CALD1: variants seen among roughly 807,000 people sequenced by gnomAD.
The protein encoded by CALD1 is caldesmon 1.
CALD1 carries 33 observed loss-of-function variants against 99.9 expected under a neutral mutation model. The ratio of observed to expected loss-of-function variants is 0.33; its 90% CI spans 0.25 to 0.44. CALD1 has a LOEUF of 0.44. Ranked by LOEUF, CALD1 falls within the 20% of genes least tolerant of loss-of-function variation. The probability of loss-of-function intolerance (pLI) is 1.00; values close to 1 mark genes in which losing one functional copy is unlikely to be tolerated. For synonymous variants in CALD1, 310 were observed against 325.0 expected (o/e 0.95, Z 0.50); for missense variants, 861 against 962.1 (o/e 0.89, Z 1.39).
intron 3 of CALD1, among the ~76,000 whole-genome samples, chr7:134,869,078 C>A (rs1800942374): frequency 6.6e-6 from 1 of 151,896 alleles, no homozygotes; most frequent in Admixed American, 6.6e-5. Context: ...GCAGCATAGC[C>A]AGAGCTAAAC....
At chr7:134,767,539 T>C (rs1007349091) in intron 1 of CALD1, among the ~76,000 whole-genome samples, 2 of 152,218 alleles carry the variant, frequency 1.3e-5, no homozygotes, top group African/African-American at 4.8e-5. Context: ...AATTATAAGA[T>C]TGGCTTTTTT....
At chr7:134,918,222 A>G (rs893385671) in intron 3 of CALD1, among the ~76,000 whole-genome samples, 6 of 152,250 alleles carry the variant, frequency 3.9e-5, no homozygotes, top group Non-Finnish European at 8.8e-5. Context: ...TCCAGTTTCT[A>G]TTCATTTTAT....
intron 8 of CALD1, 109 bp from the exon 9 acceptor site, chr7:134,950,265 T>G (rs748937855): frequency 9.6e-7 from 1 of 1,045,580 alleles, no homozygotes; most frequent in Non-Finnish European, 1.4e-6. Flanking sequence ...GTGTCCAGCC[T>G]GCGGCCTGAG....
At position 134,788,082 on chromosome 7, in the gene CALD1, C is replaced by G. The variant is rs568923919; in HGVS notation, c.-130+8333C>G. Among the ~76,000 whole-genome samples the G allele has an allele frequency of 8.5e-5, 13 of 152,206 alleles. No individual in the cohort carries two copies. In the South Asian group the frequency reaches 2.3e-3, roughly 27 times the overall value. ...TCCCAAAAGCTCATTGTTAAACTTTCGAGAATTTTGAGAGCCAGTTGTAAA... is the reference window on the plus strand; with the variant it reads ...TCCCAAAAGCTCATTGTTAAACTTTGGAGAATTTTGAGAGCCAGTTGTAAA... On this transcript the variant is annotated intron_variant, in intron 1 of 14. Coordinates refer to ENST00000361675, the MANE Select transcript of CALD1 (RefSeq NM_033138.4).
At position 134,934,018 on chromosome 7, in the gene CALD1, T is replaced by C. The variant is rs201912094; in HGVS notation, c.1249T>C (p.Trp417Arg). 11 of 1,610,302 alleles carry C rather than the reference T, an allele frequency of 6.8e-6. No individual in the cohort carries two copies. Among genetic ancestry groups the C allele is most frequent in the Admixed American group, 1.7e-5 (1 of 59,738 alleles). The part of the protein sequence containing the change: ...EKVEQKIEGK[W>R]VNEKKAQEDK... ...GGTAGAACAGAAAATAGAAGGGAAA[T>C]GGGTAAATGAAAAGAAAGCACAAGA... Residue 417 changes from tryptophan to arginine, a missense_variant, in exon 5 of 15, where the codon TGG becomes CGG. Physicochemically the swap from Trp to Arg is moderately radical, Grantham distance 101. This residue lies in a region of CALD1 where 293 missense variants were observed against 262.7 expected (regional missense o/e 1.12). Coordinates refer to ENST00000361675, the MANE Select transcript of CALD1 (RefSeq NM_033138.4).
chr7:134,937,415 A>T (rs932204942), intron 6 of CALD1, among the ~76,000 whole-genome samples: 8 of 152,162 alleles, frequency 5.3e-5, no homozygotes, highest in African/African-American at 1.7e-4. Context: ...TGTTTTTGAC[A>T]CAAGGCCAGA....
intron 2 of CALD1, among the ~76,000 whole-genome samples, chr7:134,856,988 G>C (rs993826008): frequency 6.6e-6 from 1 of 152,102 alleles, no homozygotes; most frequent in Non-Finnish European, 1.5e-5. Context: ...GATCACGAAA[G>C]ACAGTAATCA....
intron 1 of CALD1, among the ~76,000 whole-genome samples, chr7:134,791,714 C>T (rs559533514): frequency 2.6e-5 from 4 of 152,320 alleles, no homozygotes; most frequent in African/African-American, 9.6e-5. Context: ...GTCATCTTCT[C>T]CTAACTATCA....
At chr7:134,857,733 G>C (rs1173618872) in intron 2 of CALD1, among the ~76,000 whole-genome samples, 1 of 152,084 alleles carries the variant, frequency 6.6e-6, no homozygotes, top group African/African-American at 2.4e-5. Flanking sequence ...TTCCACCTTG[G>C]ATTATAAACT....
chr7:134,888,570 C>T (rs910287304), intron 3 of CALD1, among the ~76,000 whole-genome samples: 4 of 152,362 alleles, frequency 2.6e-5, no homozygotes, highest in African/African-American at 7.2e-5. Context: ...CTGCTCTCAG[C>T]TCATGATTCA....
intron 14 of CALD1, among the ~76,000 whole-genome samples, chr7:134,966,374 G>A (rs538155113): frequency 6.6e-6 from 1 of 152,208 alleles, no homozygotes; most frequent in African/African-American, 2.4e-5. Flanking sequence ...AAATCCACTA[G>A]CCTTTCTAAG....
chr7:134,843,213 G>C (rs1046601912), intron 1 of CALD1, among the ~76,000 whole-genome samples: 1 of 152,122 alleles, frequency 6.6e-6, no homozygotes, highest in African/African-American at 2.4e-5. Flanking sequence ...TCTGTGTGTC[G>C]GGCACTGCAT....
chr7:134,785,919 G>A (rs1797286764), intron 1 of CALD1, among the ~76,000 whole-genome samples: 1 of 152,194 alleles, frequency 6.6e-6, no homozygotes, highest in Admixed American at 6.5e-5. Flanking sequence ...AGCTGGGCAA[G>A]ACCTTAGGAG....
At chr7:134,945,673 T>A (rs1272554397) in intron 7 of CALD1, among the ~76,000 whole-genome samples, 2 of 152,184 alleles carry the variant, frequency 1.3e-5, no homozygotes, top group Non-Finnish European at 2.9e-5. Flanking sequence ...AAGAATGACA[T>A]GTAAGTAATA....
chr7:134,794,112 A>G (rs1797654591), intron 1 of CALD1, among the ~76,000 whole-genome samples: 1 of 152,054 alleles, frequency 6.6e-6, no homozygotes, highest in African/African-American at 2.4e-5. Context: ...GCACATACAC[A>G]CACACTTCAA....
At chr7:134,946,551 A>G (rs544162134) in intron 7 of CALD1, among the ~76,000 whole-genome samples, 26 of 152,240 alleles carry the variant, frequency 1.7e-4, no homozygotes, top group African/African-American at 5.8e-4. Context: ...TGACTACTTT[A>G]GATCCCTCAT....
intron 1 of CALD1, among the ~76,000 whole-genome samples, chr7:134,811,499 A>G (rs1798353486): frequency 6.6e-6 from 1 of 152,318 alleles, no homozygotes; most frequent in Middle Eastern, 3.4e-3. Context: ...TCCAAAATAC[A>G]TCATTCAGAA....
intron 1 of CALD1, among the ~76,000 whole-genome samples, chr7:134,787,424 G>A (rs1797349037): frequency 6.6e-6 from 1 of 152,156 alleles, no homozygotes; most frequent in Non-Finnish European, 1.5e-5. Context: ...AGGAGGTTTT[G>A]AGCAGATATT....
In CALD1 at chr7:134,928,903, A is replaced by ACTGT; in HGVS notation, c.218+5_218+8dup. On this transcript the variant is annotated splice_donor_region_variant and intron_variant, in intron 4 of 14. Coordinates refer to ENST00000361675, the MANE Select transcript of CALD1 (RefSeq NM_033138.4). Reference sequence around the variant, plus strand: ...GTGGAGGTGAATGCCCAGAACAGGTACTGTCCTCTTTGGGACGGGGAGTTT... The same window carrying ACTGT: ...GTGGAGGTGAATGCCCAGAACAGGTACTGTCTGTCCTCTTTGGGACGGGGAGTTT... 6.2e-7 allele frequency: 1 copy of ACTGT among 1,605,242 alleles called. No individual in the cohort carries two copies. The highest frequency in any genetic ancestry group is 8.5e-7 in the Non-Finnish European group (1 of 1,175,232).
Sources: allele counts gnomAD v4.1 joint callset (sites outside exome capture counted in the v4.1 genomes callset), GRCh38; gene constraint gnomAD v4.1.1; regional missense constraint gnomAD v4.1.1; transcripts MANE v1.5; gene names NCBI Gene and HGNC (gene_info 2026-07-23, HGNC 2026-07-21).